The following ZNF521 variants were observed in gnomAD, a reference collection of about 807,000 sequenced individuals.
The protein encoded by ZNF521 is zinc finger protein 521.
Under a neutral mutation model 105.5 loss-of-function variants are expected in ZNF521, and 14 were observed. That is an observed-to-expected ratio of 0.13 (90% CI 0.09 to 0.21). The LOEUF is 0.21. ZNF521 is among the 10% of genes least tolerant of loss of function. The pLI, the probability that ZNF521 is intolerant of heterozygous loss-of-function variation, is 1.00. For missense variants in ZNF521, 1,233 were observed against 1,629.7 expected (o/e 0.76, Z 4.19); for synonymous variants, 635 against 606.0 (o/e 1.05, Z -0.70).
chr18:25,229,093 A>G (rs1906365703), intron 3 of ZNF521, among the ~76,000 whole-genome samples: 1 of 152,240 alleles, frequency 6.6e-6, no homozygotes, highest in Non-Finnish European at 1.5e-5. Flanking sequence ...AATTCTTCAA[A>G]GCTGAAGTTC....
At chr18:25,202,291 A>G (rs1269441291) in intron 4 of ZNF521, 1 of 152,218 alleles carries the variant, frequency 6.6e-6, no homozygotes, top group African/African-American at 2.4e-5. Flanking sequence ...AAAAAATAAT[A>G]CTACAATACC....
At position 25,089,504 on chromosome 18, in the gene ZNF521, T is replaced by C. The variant is rs539717158; in HGVS notation, c.3867A>G (p.Thr1289=). ...GGAAGAAAAACTTCTGTGGACATTG[T>C]GTACAGTCATAGATCTTGTCTTCTT... is the stretch of plus-strand genomic sequence containing the variant. ...HGQEDKIYDC[T]QCPQKFFFQT... Residue 1289 remains threonine, a synonymous_variant, in exon 7 of 8, where the codon ACA becomes ACG. Coordinates refer to ENST00000361524, the MANE Select transcript of ZNF521 (RefSeq NM_015461.3). The C allele has an allele frequency of 5.6e-6, 9 of 1,614,078 alleles. No individual in the cohort carries two copies. In the Admixed American group the frequency reaches 8.3e-5, roughly 15 times the overall value.
chr18:25,137,334 A>T (rs1451664035), intron 5 of ZNF521, among the ~76,000 whole-genome samples: 1 of 152,146 alleles, frequency 6.6e-6, no homozygotes, highest in Non-Finnish European at 1.5e-5. Flanking sequence ...CCTGCCCCAC[A>T]GTATCACCTC....
Position 25,225,198 on chromosome 18 carries a change from C to T in ZNF521, c.2720G>A (p.Arg907Gln). ...METLLQNHQL[R>Q]DHNIRPGESA... The stretch of plus-strand genomic sequence containing the variant: ...TTCTCCAGGTCTGATGTTGTGGTCT[C>T]GGAGCTGGTGATTCTGCAGCAAAGT... The change falls in exon 4 of 8, where the codon CGA becomes CAA. Residue 907 changes from arginine (R) to glutamine (Q), a missense_variant. Physicochemically the swap from Arg to Gln is conservative, Grantham distance 43. This residue lies in a region of ZNF521 where 614 missense variants were observed against 751.5 expected (regional missense o/e 0.82). Coordinates refer to ENST00000361524, the MANE Select transcript of ZNF521 (RefSeq NM_015461.3). The surrounding 1 kb of genome is among the most constrained non-coding windows in gnomAD (Gnocchi z 5.6). 1.9e-6 allele frequency: 3 copies of T among 1,614,084 alleles called. No individual in the cohort carries two copies. The highest frequency in any genetic ancestry group is 2.5e-6 in the Non-Finnish European group (3 of 1,180,004).
At chr18:25,310,699 T>G (rs1056131886) in intron 3 of ZNF521, among the ~76,000 whole-genome samples, 11 of 152,166 alleles carry the variant, frequency 7.2e-5, no homozygotes, top group Admixed American at 5.2e-4. Flanking sequence ...CTTCAGATTT[T>G]GAACATTTGC....
intron 7 of ZNF521, among the ~76,000 whole-genome samples, chr18:25,080,310 G>C (rs2033465120): frequency 6.6e-6 from 1 of 152,152 alleles, no homozygotes; most frequent in African/African-American, 2.4e-5. Flanking sequence ...AAGCCTCGGA[G>C]TTGCTGTTCT....
At chr18:25,258,738 T>C (rs1457317549) in intron 3 of ZNF521, among the ~76,000 whole-genome samples, 2 of 152,066 alleles carry the variant, frequency 1.3e-5, no homozygotes, top group African/African-American at 4.8e-5. Context: ...GACTGAGAAC[T>C]AGCCTATCAA....
chr18:25,264,438 C>T (rs748814061), intron 3 of ZNF521, among the ~76,000 whole-genome samples: 4 of 152,046 alleles, frequency 2.6e-5, no homozygotes, highest in Non-Finnish European at 4.4e-5. Flanking sequence ...CATTTTAATT[C>T]TTGTTTCACT....
intron 5 of ZNF521, among the ~76,000 whole-genome samples, chr18:25,150,499 G>T (rs1377325685): frequency 6.6e-6 from 1 of 152,126 alleles, no homozygotes; most frequent in Non-Finnish European, 1.5e-5. Context: ...AAGTGATGAT[G>T]GTTTTGAAAC....
At chr18:25,203,760 T>G (rs1294785558) in intron 4 of ZNF521, among the ~76,000 whole-genome samples, 2 of 152,166 alleles carry the variant, frequency 1.3e-5, no homozygotes, top group African/African-American at 4.8e-5. Flanking sequence ...CTATAGATAC[T>G]TGTTTTAAAT....
At chr18:25,094,106 C>T (rs1333071860) in intron 5 of ZNF521, among the ~76,000 whole-genome samples, 2 of 152,188 alleles carry the variant, frequency 1.3e-5, no homozygotes, top group Non-Finnish European at 2.9e-5. Flanking sequence ...AACTGATATA[C>T]ACTTGTTCCA....
chr18:25,097,199 T>A (rs1041680924), intron 5 of ZNF521, among the ~76,000 whole-genome samples: 2 of 152,146 alleles, frequency 1.3e-5, no homozygotes, highest in Non-Finnish European at 2.9e-5. Context: ...GACTGCAGTA[T>A]AATTTGCCAT....
intron 5 of ZNF521, among the ~76,000 whole-genome samples, chr18:25,186,545 T>C (rs1370723584): frequency 6.6e-6 from 1 of 152,298 alleles, no homozygotes; most frequent in Admixed American, 6.5e-5. Flanking sequence ...ATGAAAACTA[T>C]AGTTAAAGCC....
intron 2 of ZNF521, among the ~76,000 whole-genome samples, chr18:25,341,650 T>C (rs1357491359): frequency 6.6e-6 from 1 of 152,238 alleles, no homozygotes; most frequent in Non-Finnish European, 1.5e-5. Flanking sequence ...TTAAAAAGTA[T>C]AGTTCATCAA....
intron 2 of ZNF521, among the ~76,000 whole-genome samples, chr18:25,333,582 T>C (rs140301231): frequency 6.6e-6 from 1 of 152,136 alleles, no homozygotes; most frequent in Admixed American, 6.5e-5. Flanking sequence ...ATTGGAGTAA[T>C]TTTTTTCAGA....
intron 3 of ZNF521, among the ~76,000 whole-genome samples, chr18:25,294,384 T>C (rs1911203947): frequency 6.6e-6 from 1 of 152,226 alleles, no homozygotes; most frequent in South Asian, 2.1e-4. Context: ...TTGTCAAATT[T>C]GATTCTATAG....
chr18:25,160,524 T>C (rs2035231808), intron 5 of ZNF521, among the ~76,000 whole-genome samples: 1 of 152,064 alleles, frequency 6.6e-6, no homozygotes, highest in Non-Finnish European at 1.5e-5. Context: ...CACACACACA[T>C]TACACATATA....
At chr18:25,161,342 A>G (rs140854761) in intron 5 of ZNF521, among the ~76,000 whole-genome samples, 21 of 152,288 alleles carry the variant, frequency 1.4e-4, no homozygotes, top group African/African-American at 5.1e-4. Context: ...TGGGAAGTAC[A>G]TATAGAAAAT....
rs10540123 is a variant in ZNF521, at chr18:25,062,752, CAAAAAAAAAAAAAAA to C, written c.3907-26_3907-12del. 6,505 of 363,906 alleles carry C rather than the reference CAAAAAAAAAAAAAAA, an allele frequency of 0.018. 60 individuals carry two copies. The East Asian group carries it at 0.19, about 11-fold the overall frequency. 22.5% of individuals were successfully genotyped at this position (363,906 alleles called of 1,614,324 possible). The stretch of plus-strand genomic sequence containing the variant: ...GGTCATTGTATGATTCTGTAAATAA[CAAAAAAAAAAAAAAA>C]AAAAAAAAAAAAAAAAAAGAGAAGA... On this transcript the variant is annotated splice_polypyrimidine_tract_variant and intron_variant, in intron 7 of 7. Transcript: ENST00000361524.
Sources: gnomAD v4.1 joint callset for allele counts (sites outside exome capture counted in the v4.1 genomes callset) on GRCh38, gnomAD v4.1.1 for gene constraint, gnomAD v4.1.1 regional missense constraint, Gnocchi (gnomAD v3.1) non-coding constraint, MANE v1.5 for transcripts, NCBI Gene and HGNC (gene_info 2026-07-23, HGNC 2026-07-21) for gene names.